Variants in NOS3 observed in about 807,000 individuals in gnomAD.
NOS3 encodes NOS type III.
In NOS3, 98 loss-of-function variants were observed where a neutral mutation model predicts 144.9. The ratio of observed to expected loss-of-function variants is 0.68; its 90% CI spans 0.57 to 0.80. The LOEUF (loss-of-function observed/expected upper bound fraction) is 0.80. Ranked by LOEUF, NOS3 falls within the 30% of genes least tolerant of loss-of-function variation. NOS3 has a pLI of 0.00. For synonymous variants in NOS3, 714 were observed against 702.4 expected, an observed-to-expected ratio of 1.02 and a Z score of -0.26; for missense variants, 1,465 against 1,656.4, an observed-to-expected ratio of 0.88 and a Z score of 2.01.
chr7:151,003,124 T>G lies in NOS3; in HGVS notation c.1752+820T>G. On this transcript the variant is annotated intron_variant, in intron 14 of 26. Transcript: ENST00000297494. This position sits in a 1 kb window ranked among gnomAD's most constrained non-coding sequence, Gnocchi z 4.1. ...TTAGCACTAAGTACTTCCTCAGTACTCTTTTTTCTTTTTTCCTTTGAGACA... is the reference window on the plus strand; with the variant it reads ...TTAGCACTAAGTACTTCCTCAGTACGCTTTTTTCTTTTTTCCTTTGAGACA... The G allele has an allele frequency of 2.2e-6, 1 of 452,660 alleles. No homozygotes were observed. Among genetic ancestry groups the G allele is most frequent in the Non-Finnish European group, 4.4e-6 (1 of 226,408 alleles). 28.0% of individuals were successfully genotyped at this position (452,660 alleles called of 1,614,324 possible).
Position 150,998,311 on chromosome 7 carries a change from C to T in NOS3, c.583-46C>T, listed in dbSNP as rs1802480122. 6.4e-7 allele frequency: 1 copy of T among 1,557,300 alleles called. No individual in the cohort carries two copies. Among genetic ancestry groups the T allele is most frequent in the Admixed American group, 1.8e-5 (1 of 55,508 alleles). Reference sequence around the variant, plus strand: ...CTCTGGAGCTGATACTCAAGACCCCCCGTCTCTCTCCTCACCCTCCTCTCC... The same window carrying T: ...CTCTGGAGCTGATACTCAAGACCCCTCGTCTCTCTCCTCACCCTCCTCTCC... On this transcript the variant is annotated intron_variant, in intron 5 of 26. Transcript: ENST00000297494. This position sits in a 1 kb window ranked among gnomAD's most constrained non-coding sequence, Gnocchi z 5.0.
rs1795353813 is a variant in NOS3 at position 151,013,473 on chromosome 7, C to T, written c.3255+94C>T. 5 of 1,462,914 alleles carry T rather than the reference C, an allele frequency of 3.4e-6. No individual in the cohort carries two copies. The South Asian group carries it at 5.3e-5, about 15-fold the overall frequency. 90.6% of individuals were successfully genotyped at this position (1,462,914 alleles called of 1,614,324 possible). A position where few individuals can be genotyped will look rare whatever the true frequency, so the allele number is the denominator to read the frequency against. On this transcript the variant is annotated intron_variant, in intron 25 of 26. Coordinates refer to ENST00000297494, the MANE Select transcript of NOS3 (RefSeq NM_000603.5). ...CGGGGCACACCAACCACGGCCCTCC[C>T]GTGGCCTCCCACGACCACTCAGCCA... is the stretch of plus-strand genomic sequence containing the variant.
In NOS3 at chr7:151,009,060, C is replaced by T; in HGVS notation, c.2243C>T (p.Pro748Leu). Reference sequence around the variant, plus strand: ...CAGGCCGAGGGCCTGCAGTTGCTGCCAGGTGGGCCCTGCCCTCACCCTAAC... The same window carrying T: ...CAGGCCGAGGGCCTGCAGTTGCTGCTAGGTGGGCCCTGCCCTCACCCTAAC... ...SAQAEGLQLLPGLIHVHRRKM... is the reference protein window; with the variant it reads ...SAQAEGLQLLLGLIHVHRRKM... Residue 748 changes from proline to leucine, a missense_variant and splice_region_variant, in exon 18 of 27, where the codon CCA becomes CTA. Coordinates refer to ENST00000297494, the MANE Select transcript of NOS3 (RefSeq NM_000603.5). The T allele has an allele frequency of 6.2e-7, 1 of 1,612,940 alleles. No homozygotes were observed. Among genetic ancestry groups the T allele is most frequent in the Non-Finnish European group, 8.5e-7 (1 of 1,179,586 alleles).
rs150393893 is a variant in NOS3 at position 151,013,280 on chromosome 7, A to G, written c.3156A>G (p.Gln1052=). 811 of 1,613,820 alleles carry G rather than the reference A, an allele frequency of 5.0e-4. No individual in the cohort carries two copies. Among genetic ancestry groups the G allele is most frequent in the Non-Finnish European group, 6.7e-4 (787 of 1,179,966 alleles). ...TGGTGTTCGGCTGCCGATGCTCCCA[A>G]CTTGACCATCTCTACCGCGACGAGG... ...MTLVFGCRCS[Q]LDHLYRDEVQ... is the part of the protein sequence containing the mutation. The change falls in exon 25 of 27, where the codon CAA becomes CAG. Residue 1052 remains glutamine, a synonymous_variant. Coordinates refer to ENST00000297494, the MANE Select transcript of NOS3 (RefSeq NM_000603.5).
rs1584900943 is a variant in NOS3 at position 150,998,252 on chromosome 7, T to G, written c.583-105T>G. ...CAATGGTCAGGAGGGCGCCATGGAGTGAACCATGGCCCCTGCCTCCTCACC... is the reference window on the plus strand; with the variant it reads ...CAATGGTCAGGAGGGCGCCATGGAGGGAACCATGGCCCCTGCCTCCTCACC... On this transcript the variant is annotated intron_variant, in intron 5 of 26. Coordinates refer to ENST00000297494, the MANE Select transcript of NOS3 (RefSeq NM_000603.5). This position sits in a 1 kb window ranked among gnomAD's most constrained non-coding sequence, Gnocchi z 5.0. 2.1e-6 allele frequency: 2 copies of G among 966,256 alleles called. No homozygotes were observed. The highest frequency in any genetic ancestry group is 3.2e-6 in the Non-Finnish European group (2 of 634,788). The allele number at this position is 966,256 out of a possible 1,614,324, so 59.9% of individuals were successfully genotyped here.
rs1361435826 is a variant in NOS3, at chr7:151,001,290, G to A, written c.1293G>A (p.Leu431=). The A allele has an allele frequency of 6.2e-7, 1 of 1,613,834 alleles. No individual in the cohort carries two copies. The highest frequency in any genetic ancestry group is 1.1e-5 in the South Asian group (1 of 91,090). Residue 431 remains leucine (L), a synonymous_variant, in exon 11 of 27, where the codon CTG becomes CTA. Transcript: ENST00000297494. ...HAATASFMKH[L]ENEQKARGGC... The stretch of plus-strand genomic sequence containing the variant: ...CCACGGCCTCTTTCATGAAGCACCT[G>A]GAGAATGAGCAGAAGGCCAGGGGGG...
Position 151,010,106 on chromosome 7 carries a change from T to C in NOS3, c.2513-9T>C, listed in dbSNP as rs1369233296. 1.3e-6 allele frequency: 2 copies of C among 1,556,060 alleles called. No individual in the cohort carries two copies. The highest frequency in any genetic ancestry group is 1.8e-6 in the Non-Finnish European group (2 of 1,131,798). ...CCTGTCCTCAGAGCTCCCTGTGCAC[T>C]ATCCCCAGGTGGCCCTCCCCCCGGC... On this transcript the variant is annotated splice_polypyrimidine_tract_variant and intron_variant, in intron 20 of 26. Coordinates refer to ENST00000297494, the MANE Select transcript of NOS3 (RefSeq NM_000603.5).
chr7:151,004,400 A>G (rs932728460), intron 14 of NOS3, among the ~76,000 whole-genome samples: 2 of 152,222 alleles, frequency 1.3e-5, no homozygotes, highest in African/African-American at 2.4e-5. Flanking sequence ...CTGCCCTTTA[A>G]CATCTGTGCA....
intron 19 of NOS3, 42 bp from the exon 20 acceptor site, chr7:151,009,356 C>A (rs765279435): frequency 3.2e-6 from 3 of 925,892 alleles, no homozygotes; most frequent in African/African-American, 3.0e-5. Context: ...CCGCCCCCAC[C>A]CCTCTCTGAC....
Position 150,999,319 on chromosome 7 carries a change from C to T in NOS3, c.1086C>T (p.Ile362=), listed in dbSNP as rs1021904384. The change falls in exon 9 of 27, where the codon ATC becomes ATT. Residue 362 remains isoleucine, a synonymous_variant. Transcript: ENST00000297494. ...PFSGWYMSTE[I]GTRNLCDPHR... ...GTGGCTGGTACATGAGCACTGAGAT[C>T]GGCACGAGGAACCTGTGTGACCCTC... The T allele has an allele frequency of 3.7e-6, 6 of 1,606,372 alleles. No homozygotes were observed. The highest frequency in any genetic ancestry group is 3.3e-5 in the South Asian group (3 of 90,382).
chr7:151,011,801 G>C (rs1242301484), intron 23 of NOS3: 4 of 439,368 alleles, frequency 9.1e-6, no homozygotes, highest in South Asian at 6.5e-5. Context: ...TGGGATTACA[G>C]GTGTGAGCCA....
intron 1 of NOS3, among the ~76,000 whole-genome samples, chr7:150,992,992 G>A (rs992015051): frequency 2.0e-4 from 30 of 152,274 alleles, no homozygotes; most frequent in African/African-American, 6.3e-4. Context: ...TTCCCTGGCC[G>A]GCTGACCCTG....
In NOS3 at chr7:151,009,574, A is replaced by G. The variant is rs1179426313; in HGVS notation, c.2501A>G (p.Lys834Arg). The G allele has an allele frequency of 6.5e-7, 1 of 1,535,782 alleles. No homozygotes were observed. Among genetic ancestry groups the G allele is most frequent in the African/African-American group, 1.4e-5 (1 of 72,852 alleles). ...CCCGTGGCAGTAGAGCAGCTGGAGA[A>G]GGGCAGCCCTGGTGAGGGGCAGCCT... ...TEPVAVEQLE[K>R]GSPGGPPPGW... Residue 834 changes from lysine (K) to arginine (R), a missense_variant, in exon 20 of 27, where the codon AAG becomes AGG. Physicochemically the swap from Lys to Arg is conservative, Grantham distance 26. Transcript: ENST00000297494.
intron 2 of NOS3, among the ~76,000 whole-genome samples, chr7:150,994,727 C>T (rs1015008498): frequency 5.3e-5 from 8 of 152,174 alleles, no homozygotes; most frequent in African/African-American, 1.9e-4. Context: ...TCCTCCCTGC[C>T]GCTGGTGGCT....
rs778626135 is a variant in NOS3 at position 151,012,461 on chromosome 7, T to G, written c.3095T>G (p.Ile1032Ser). The G allele has an allele frequency of 3.7e-6, 6 of 1,612,102 alleles. No individual in the cohort carries two copies. In the Admixed American group the frequency reaches 1.0e-4, roughly 27 times the overall value. ...TTCTGGCAGGAGCGGCTGCATGACATTGAGAGCAAAGGTGAGGCTGGGGAC... is the reference window on the plus strand; with the variant it reads ...TTCTGGCAGGAGCGGCTGCATGACAGTGAGAGCAAAGGTGAGGCTGGGGAC... ...RGFWQERLHDIESKGLQPTPM... is the reference protein window; with the variant it reads ...RGFWQERLHDSESKGLQPTPM... Residue 1032 changes from isoleucine (I) to serine (S), a missense_variant, in exon 24 of 27, where the codon ATT (isoleucine) becomes AGT (serine). Ile to Ser is a moderately radical substitution (Grantham distance 142). Around this residue, in one of 5 missense-constraint regions of NOS3, gnomAD observed 106 missense variants for 167.7 expected, o/e 0.63. Coordinates refer to ENST00000297494, the MANE Select transcript of NOS3 (RefSeq NM_000603.5).
At position 150,993,649 on chromosome 7, in the gene NOS3, C is replaced by CCCCAGCA; in HGVS notation, c.-51-104_-51-103insCCCAGCA. 1.4e-6 allele frequency: 1 copy of CCCCAGCA among 720,976 alleles called. No individual in the cohort carries two copies. The highest frequency in any genetic ancestry group is 2.2e-5 in the South Asian group (1 of 45,972). The allele number at this position is 720,976 out of a possible 1,614,324, so 44.7% of individuals were successfully genotyped here. ...GAGGCTTTAGAGCCTCCCAGCCGGG[C>CCCCAGCA]TTGTTCCTGTCCCATTGTGTATGGG... On this transcript the variant is annotated intron_variant, in intron 1 of 26. Transcript: ENST00000297494. The surrounding 1 kb of genome is among the most constrained non-coding windows in gnomAD (Gnocchi z 4.0).
rs913170985 is a variant in NOS3 at position 150,993,903 on chromosome 7, C to G, written c.100C>G (p.Pro34Ala). Residue 34 changes from proline to alanine, a missense_variant, in exon 2 of 27, where the codon CCG becomes GCG. By Grantham distance (27) the Pro-to-Ala change is conservative (BLOSUM62 -1). Around this residue, in one of 5 missense-constraint regions of NOS3, gnomAD observed 374 missense variants for 377.0 expected, o/e 0.99. Coordinates refer to ENST00000297494, the MANE Select transcript of NOS3 (RefSeq NM_000603.5). This position sits in a 1 kb window ranked among gnomAD's most constrained non-coding sequence, Gnocchi z 4.0. ...GTGCGGCAAGCAGGGCCCAGCCACC[C>G]CGGCCCCTGAGCCCAGCCGGGCCCC... ...GLCGKQGPAT[P>A]APEPSRAPAS... 1.5e-5 allele frequency: 24 copies of G among 1,592,812 alleles called. No homozygotes were observed. The highest frequency in any genetic ancestry group is 2.0e-5 in the Non-Finnish European group (24 of 1,171,190).
rs181009441 is a variant in NOS3 at position 151,001,213 on chromosome 7, C to T, written c.1234-18C>T. 5 of 1,610,770 alleles carry T rather than the reference C, an allele frequency of 3.1e-6. No individual in the cohort carries two copies. In the African/African-American group the frequency reaches 6.7e-5, roughly 21 times the overall value. ...TGTGGGTCTGGTTTGAGCCTCTCCC[C>T]CTCTCTCTCCCTTCCAGCTAGCCAA... On this transcript the variant is annotated intron_variant, in intron 10 of 26. Coordinates refer to ENST00000297494, the MANE Select transcript of NOS3 (RefSeq NM_000603.5).
Position 151,010,265 on chromosome 7 carries a change from A to C in NOS3, c.2663A>C (p.Gln888Pro). The C allele has an allele frequency of 6.2e-7, 1 of 1,612,852 alleles. No individual in the cohort carries two copies. Among genetic ancestry groups the C allele is most frequent in the South Asian group, 1.1e-5 (1 of 91,000 alleles). Residue 888 changes from glutamine (Q) to proline (P), a missense_variant, in exon 21 of 27, where the codon CAG becomes CCG. By Grantham distance (76) the Gln-to-Pro change is moderately conservative. Coordinates refer to ENST00000297494, the MANE Select transcript of NOS3 (RefSeq NM_000603.5). ...TTGGCAGAAGAGCCCAGGGAACAGC[A>C]GGAGCTGGAGGCCCTCAGCCAGGTT... Reference protein sequence around the residue: ...STLAEEPREQQELEALSQDPR... With the variant: ...STLAEEPREQPELEALSQDPR...
Sources: gnomAD v4.1 joint callset for allele counts (sites outside exome capture counted in the v4.1 genomes callset) on GRCh38, gnomAD v4.1.1 for gene constraint, gnomAD v4.1.1 regional missense constraint, Gnocchi (gnomAD v3.1) non-coding constraint, MANE v1.5 for transcripts, NCBI Gene and HGNC (gene_info 2026-07-23, HGNC 2026-07-21) for gene names.